The following RAD18 variants were observed in gnomAD, a reference collection of about 807,000 sequenced individuals.
The protein encoded by RAD18 is E3 ubiquitin-protein ligase RAD18.
RAD18 carries 47 observed loss-of-function variants against 60.4 expected under a neutral mutation model. The ratio of observed to expected loss-of-function variants is 0.78; its 90% CI spans 0.62 to 0.99. The LOEUF is 0.99. Ranked by LOEUF, RAD18 falls within the 50% of genes least tolerant of loss-of-function variation. The pLI, the probability that RAD18 is intolerant of heterozygous loss-of-function variation, is 0.00. For synonymous variants in RAD18, 225 were observed against 195.5 expected (o/e 1.15, Z -1.26); for missense variants, 640 against 593.3 (o/e 1.08, Z -0.82).
intron 7 of RAD18, among the ~76,000 whole-genome samples, chr3:8,922,112 C>G (rs9850329): frequency 0.69 from 104,326 of 151,700 alleles, 36,437 homozygotes; most frequent in Middle Eastern, 0.77. Context: ...GAGCGGTGCA[C>G]CGGGAGTGAG....
At chr3:8,898,294 C>G (rs910534942) in intron 11 of RAD18, among the ~76,000 whole-genome samples, 1 of 151,982 alleles carries the variant, frequency 6.6e-6, no homozygotes, top group African/African-American at 2.4e-5. Context: ...GTTTCAATTA[C>G]TTTTGTGCCA....
Position 8,881,456 on chromosome 3 carries a change from G to T in RAD18, c.1389C>A (p.Asn463Lys). Residue 463 changes from asparagine (N) to lysine (K), a missense_variant, in exon 13 of 13, where the codon AAC becomes AAA. Asn to Lys is a moderately conservative substitution (Grantham distance 94, BLOSUM62 0). Coordinates refer to ENST00000264926, the MANE Select transcript of RAD18 (RefSeq NM_020165.4). ...GACTTATTTCTGTGTCTTGAAGATCGTTTCTGAAGACAGAAAAAGGAAATG... is the reference window on the plus strand; with the variant it reads ...GACTTATTTCTGTGTCTTGAAGATCTTTTCTGAAGACAGAAAAAGGAAATG... Reference protein sequence around the residue: ...EEEAWEASHKNDLQDTEISPR... With the variant: ...EEEAWEASHKKDLQDTEISPR... 6.3e-7 allele frequency: 1 copy of T among 1,598,912 alleles called. No homozygotes were observed. The highest frequency in any genetic ancestry group is 8.6e-7 in the Non-Finnish European group (1 of 1,167,086).
At chr3:8,945,382 T>A (rs1471396258) in intron 4 of RAD18, among the ~76,000 whole-genome samples, 1 of 152,016 alleles carries the variant, frequency 6.6e-6, no homozygotes, top group East Asian at 1.9e-4. Flanking sequence ...TAGACGATAA[T>A]GGAGCTGAAA....
intron 7 of RAD18, among the ~76,000 whole-genome samples, chr3:8,918,162 A>G (rs1940242325): frequency 6.6e-6 from 1 of 152,044 alleles, no homozygotes; most frequent in Admixed American, 6.5e-5. Context: ...TACTGAAAAT[A>G]CAAAAATTAG....
At chr3:8,900,977 AAGTGCTAAAC>A (rs1311262760) in intron 10 of RAD18, among the ~76,000 whole-genome samples, 1 of 152,230 alleles carries the variant, frequency 6.6e-6, no homozygotes. Flanking sequence ...AGATTTTCTC[AAGTGCTAAAC>A]TAGTTTCTAG....
Position 8,878,234 on chromosome 3 carries a change from G to A in RAD18, c.*3123C>T, listed in dbSNP as rs1939399126. 1 of 152,316 alleles carries A rather than the reference G, an allele frequency of 6.6e-6. No homozygotes were observed. The highest frequency in any genetic ancestry group is 2.1e-4 in the South Asian group (1 of 4,814). The allele number at this position is 152,316 out of a possible 1,614,324, so 9.4% of individuals were successfully genotyped here. A position where few individuals can be genotyped will look rare whatever the true frequency, so the allele number is the denominator to read the frequency against. Reference sequence around the variant, plus strand: ...ATACCCAGAAATACACAGAAGGAATGGAGAAATGCCCCCTTTAAGGTCTCA... The same window carrying A: ...ATACCCAGAAATACACAGAAGGAATAGAGAAATGCCCCCTTTAAGGTCTCA... On this transcript the variant is annotated 3_prime_UTR_variant, in exon 13 of 13. Coordinates refer to ENST00000264926, the MANE Select transcript of RAD18 (RefSeq NM_020165.4).
chr3:8,929,400 A>G (rs1940508672), intron 7 of RAD18, among the ~76,000 whole-genome samples: 1 of 152,172 alleles, frequency 6.6e-6, no homozygotes, highest in South Asian at 2.1e-4. Context: ...AAGACAGTAA[A>G]TCACCACAAA....
intron 1 of RAD18, among the ~76,000 whole-genome samples, chr3:8,960,980 T>C (rs2124849492): frequency 6.6e-6 from 1 of 152,324 alleles, no homozygotes; most frequent in East Asian, 1.9e-4. Flanking sequence ...AATCTTCCAT[T>C]ATTGTGGATG....
chr3:8,910,639 G>A (rs551442081), intron 9 of RAD18, among the ~76,000 whole-genome samples: 1 of 151,770 alleles, frequency 6.6e-6, no homozygotes, highest in Non-Finnish European at 1.5e-5. Flanking sequence ...TTTGATGAAA[G>A]GAATTATAAC....
chr3:8,939,413 T>G (rs1940707140), intron 6 of RAD18, 141 bp downstream of exon 6: 1 of 571,120 alleles, frequency 1.8e-6, no homozygotes, highest in Non-Finnish European at 3.0e-6. Context: ...TTGGAAGAAG[T>G]GGCCAACAGG....
chr3:8,920,429 T>C (rs553762250), intron 7 of RAD18, among the ~76,000 whole-genome samples: 4 of 151,968 alleles, frequency 2.6e-5, no homozygotes, highest in Admixed American at 6.5e-5. Context: ...CAGAAAAGAA[T>C]AGTTTAGAGA....
At chr3:8,924,521 A>C (rs1456415481) in intron 7 of RAD18, among the ~76,000 whole-genome samples, 1 of 141,284 alleles carries the variant, frequency 7.1e-6, no homozygotes, top group East Asian at 2.0e-4. Context: ...AAAGTTAACA[A>C]GGATATCCAG....
At chr3:8,961,015 C>A (rs1290353645) in intron 1 of RAD18, among the ~76,000 whole-genome samples, 2 of 152,152 alleles carry the variant, frequency 1.3e-5, no homozygotes, top group Non-Finnish European at 2.9e-5. Flanking sequence ...ACACAAAAAT[C>A]TAAAGGGTTA....
At chr3:8,913,134 G>A (rs1225616493) in intron 8 of RAD18, among the ~76,000 whole-genome samples, 9 of 152,126 alleles carry the variant, frequency 5.9e-5, no homozygotes, top group African/African-American at 2.2e-4. Context: ...CTTCAAGTTT[G>A]GGGCATCAAG....
chr3:8,904,452 T>G (rs1229463229), intron 9 of RAD18, among the ~76,000 whole-genome samples: 1 of 152,210 alleles, frequency 6.6e-6, no homozygotes, highest in African/African-American at 2.4e-5. Context: ...GGTACATGTA[T>G]GAAAACTTCT....
At chr3:8,927,936 G>C (rs1940472205) in intron 7 of RAD18, among the ~76,000 whole-genome samples, 1 of 151,188 alleles carries the variant, frequency 6.6e-6, no homozygotes, top group African/African-American at 2.4e-5. Context: ...GGGAGGGATA[G>C]CATTAGGAGA....
At chr3:8,953,855 A>C (rs1022564056) in intron 2 of RAD18, among the ~76,000 whole-genome samples, 6 of 152,314 alleles carry the variant, frequency 3.9e-5, no homozygotes, top group African/African-American at 1.4e-4. Flanking sequence ...CTCAAAAAAA[A>C]TTAATCAAAG....
In RAD18 at chr3:8,880,486, C is replaced by T. The variant is rs1373671966; in HGVS notation, c.*871G>A. On this transcript the variant is annotated 3_prime_UTR_variant, in exon 13 of 13. Coordinates refer to ENST00000264926, the MANE Select transcript of RAD18 (RefSeq NM_020165.4). ...AGACATTTTACACAGATAGCAATTT[C>T]TGACCAATCCATTTCAATGATTTCT... 2.0e-5 allele frequency: 3 copies of T among 152,198 alleles called. No homozygotes were observed. The highest frequency in any genetic ancestry group is 4.4e-5 in the Non-Finnish European group (3 of 68,028). The allele number at this position is 152,198 out of a possible 1,614,324, so 9.4% of individuals were successfully genotyped here. A position where few individuals can be genotyped will look rare whatever the true frequency, so the allele number is the denominator to read the frequency against.
chr3:8,941,913 C>A, intron 4 of RAD18, 109 bp from the exon 5 acceptor site: 1 of 1,032,662 alleles, frequency 9.7e-7, no homozygotes, highest in Non-Finnish European at 1.4e-6. Context: ...AATACAGGAC[C>A]TATACTATAA....
Sources: gnomAD v4.1 joint callset for allele counts (sites outside exome capture counted in the v4.1 genomes callset) on GRCh38, gnomAD v4.1.1 for gene constraint, MANE v1.5 for transcripts, NCBI Gene and HGNC (gene_info 2026-07-23, HGNC 2026-07-21) for gene names.